TTC6: variants seen among roughly 807,000 people sequenced by gnomAD.
The protein encoded by TTC6 is tetratricopeptide repeat domain 6, also known as tetratricopeptide repeat protein 6.
Under a neutral mutation model 210.4 loss-of-function variants are expected in TTC6, and 172 were observed. The ratio of observed to expected loss-of-function variants is 0.82; its 90% CI spans 0.72 to 0.93. The LOEUF (loss-of-function observed/expected upper bound fraction) is 0.93. Ranked by LOEUF, TTC6 falls within the 40% of genes least tolerant of loss-of-function variation. The pLI is 0.00. For missense variants in TTC6, 2,414 were observed against 2,318.1 expected (o/e 1.04, Z -0.85); for synonymous variants, 804 against 819.6 (o/e 0.98, Z 0.32).
At chr14:37,742,102 G>A (rs964008539) in intron 10 of TTC6, among the ~76,000 whole-genome samples, 2 of 152,074 alleles carry the variant, frequency 1.3e-5, no homozygotes, top group Non-Finnish European at 2.9e-5. Flanking sequence ...CTCTACCAAC[G>A]TTCTGTCTTC....
chr14:37,596,570 A>G (rs1292723050), intron 1 of TTC6, among the ~76,000 whole-genome samples: 2 of 152,180 alleles, frequency 1.3e-5, no homozygotes, highest in African/African-American at 4.8e-5. Context: ...GTGATAGGCA[A>G]TTAGTTGGTG....
At chr14:37,655,828 A>G (rs983562575) in intron 1 of TTC6, among the ~76,000 whole-genome samples, 1 of 152,010 alleles carries the variant, frequency 6.6e-6, no homozygotes, top group Non-Finnish European at 1.5e-5. Context: ...TCCACAATTG[A>G]AGGCTACACA....
chr14:37,699,845 A>G (rs181381501), intron 4 of TTC6, among the ~76,000 whole-genome samples: 1 of 152,306 alleles, frequency 6.6e-6, no homozygotes, highest in East Asian at 1.9e-4. Flanking sequence ...GGGAGCTCTC[A>G]GCACAGAGGT....
intron 6 of TTC6, among the ~76,000 whole-genome samples, chr14:37,718,007 C>T (rs2095855419): frequency 1.3e-5 from 2 of 152,204 alleles, no homozygotes; most frequent in Non-Finnish European, 2.9e-5. Context: ...AGAAGGCCTA[C>T]ATCAGATGCT....
chr14:37,786,493 G>A (rs1393345081), intron 14 of TTC6, among the ~76,000 whole-genome samples: 3 of 152,208 alleles, frequency 2.0e-5, no homozygotes, highest in East Asian at 1.9e-4. Context: ...TATTAGGGTT[G>A]GAGTGAGTCA....
At chr14:37,610,476 G>GAGGCC (rs2095632481) in intron 2 of TTC6, among the ~76,000 whole-genome samples, 1 of 151,646 alleles carries the variant, frequency 6.6e-6, no homozygotes, top group Non-Finnish European at 1.5e-5. Context: ...CCTGCTAAGT[G>GAGGCC]TACTGAGCAA....
At chr14:37,749,092 T>C (rs1271115338) in exon 11 of TTC6, 1 of 1,535,704 alleles carries the variant, frequency 6.5e-7, no homozygotes, top group Admixed American at 2.0e-5. Context: ...ATATTGATCC[T>C]CGGACATGGG....
At chr14:37,842,021 A>T in intron 30 of TTC6, 134 bp from the exon 33 acceptor site, 1 of 746,012 alleles carries the variant, frequency 1.3e-6, no homozygotes, top group Non-Finnish European at 2.0e-6. Flanking sequence ...TTTTCAAATT[A>T]AAAGTATTAA....
At chr14:37,656,449 T>C (rs1357527638) in intron 1 of TTC6, among the ~76,000 whole-genome samples, 2 of 152,054 alleles carry the variant, frequency 1.3e-5, no homozygotes, top group African/African-American at 4.8e-5. Context: ...CTCTAAACAA[T>C]TTTGTAAGCT....
intron 1 of TTC6, among the ~76,000 whole-genome samples, chr14:37,604,199 G>A (rs2095620991): frequency 6.6e-6 from 1 of 152,130 alleles, no homozygotes; most frequent in Non-Finnish European, 1.5e-5. Context: ...GCCGGGGGGC[G>A]GAGTCTCAGT....
chr14:37,644,961 C>T lies in TTC6; in HGVS notation c.939+21958C>T, dbSNP rs369212328. Reference sequence around the variant, plus strand: ...GGCTAATAATACTTACCTTAAAATACTGTGAGAATAAAATGTTCTTAAATA... The same window carrying T: ...GGCTAATAATACTTACCTTAAAATATTGTGAGAATAAAATGTTCTTAAATA... On this transcript the variant is annotated intron_variant, in intron 1 of 30. Transcript: ENST00000553443. Among the ~76,000 whole-genome samples the T allele has an allele frequency of 4.6e-5, 7 of 152,240 alleles. No individual in the cohort carries two copies. The East Asian group carries it at 1.4e-3, about 29-fold the overall frequency.
At chr14:37,781,864 C>T (rs2096055786) in intron 14 of TTC6, among the ~76,000 whole-genome samples, 2 of 152,178 alleles carry the variant, frequency 1.3e-5, no homozygotes, top group Admixed American at 1.3e-4. Context: ...GTTTTCCCAG[C>T]ACCATTTATT....
intron 7 of TTC6, among the ~76,000 whole-genome samples, chr14:37,726,760 T>C (rs781313062): frequency 1.3e-5 from 2 of 152,142 alleles, no homozygotes; most frequent in Non-Finnish European, 2.9e-5. Context: ...TTTTTTCTTT[T>C]CTAATTCTTA....
At chr14:37,821,310 C>A (rs1391233091) in intron 26 of TTC6, among the ~76,000 whole-genome samples, 1 of 152,084 alleles carries the variant, frequency 6.6e-6, no homozygotes, top group African/African-American at 2.4e-5. Flanking sequence ...CTCAGGTGAT[C>A]CACCTGTCCT....
At chr14:37,768,311 A>G (rs1312204634) in intron 14 of TTC6, among the ~76,000 whole-genome samples, 7 of 151,354 alleles carry the variant, frequency 4.6e-5, no homozygotes, top group Non-Finnish European at 8.9e-5. Flanking sequence ...TATGAACTTT[A>G]AAGTAGTTTT....
intron 14 of TTC6, among the ~76,000 whole-genome samples, chr14:37,774,365 C>T (rs563937942): frequency 2.0e-5 from 3 of 152,168 alleles, no homozygotes; most frequent in Admixed American, 6.5e-5. Flanking sequence ...CTACCAGCTT[C>T]TGTCCATCCA....
At chr14:37,800,405 ATAAGT>A (rs1025370904) in intron 20 of TTC6, among the ~76,000 whole-genome samples, 2 of 152,152 alleles carry the variant, frequency 1.3e-5, no homozygotes, top group African/African-American at 4.8e-5. Flanking sequence ...GAAAGGAGAG[ATAAGT>A]TAAGAACTGT....
intron 1 of TTC6, among the ~76,000 whole-genome samples, chr14:37,641,744 GA>G (rs939626719): frequency 6.6e-6 from 1 of 151,800 alleles, no homozygotes; most frequent in African/African-American, 2.4e-5. Flanking sequence ...TCATTATATG[GA>G]AAAAAACTTT....
rs560361896 is a variant in TTC6, at chr14:37,806,947, A to G, written c.4315-373A>G. ...TGTTAAATTATTTTAGGAAATTTCT[A>G]TAAGTTATCTTGGATATATAATGGC... On this transcript the variant is annotated intron_variant, in intron 22 of 30. Coordinates refer to ENST00000553443, the Ensembl canonical transcript of TTC6. 5.3e-5 allele frequency among the ~76,000 whole-genome samples: 8 copies of G among 152,310 alleles called. No individual in the cohort carries two copies. In the South Asian group the frequency reaches 1.7e-3, roughly 32 times the overall value.
Sources: gnomAD v4.1 joint callset for allele counts (sites outside exome capture counted in the v4.1 genomes callset) on GRCh38, gnomAD v4.1.1 for gene constraint, MANE v1.5 for transcripts, NCBI Gene and HGNC (gene_info 2026-07-23, HGNC 2026-07-21) for gene names.